CDK18: variants seen among roughly 807,000 people sequenced by gnomAD.
The protein encoded by CDK18 is cyclin dependent kinase 18.
In CDK18, 52 loss-of-function variants were observed where a neutral mutation model predicts 62.0. That is an observed-to-expected ratio of 0.84 (90% CI 0.67 to 1.06). The LOEUF (loss-of-function observed/expected upper bound fraction) is 1.06. Ranked by LOEUF, CDK18 falls within the 50% of genes least tolerant of loss-of-function variation. The pLI, the probability that CDK18 is intolerant of heterozygous loss-of-function variation, is 0.00. For missense variants in CDK18, 604 were observed against 619.9 expected (o/e 0.97, Z 0.27); for synonymous variants, 237 against 247.0 (o/e 0.96, Z 0.38).
chr1:205,530,277 A>G lies in CDK18; in HGVS notation c.1240A>G (p.Met414Val), dbSNP rs769661788. The change falls in exon 14 of 16, where the codon ATG (methionine) becomes GTG (valine). Residue 414 changes from methionine to valine, a missense_variant. Coordinates refer to ENST00000429964, the MANE Select transcript of CDK18 (RefSeq NM_212502.3). ...SLLLYESKSR[M>V]SAEAALSHSY... is the part of the protein sequence containing the mutation. ...CTTTCAGTATGAATCCAAGAGTCGC[A>G]TGTCAGCAGAGGCTGCCCTGAGTCA... 3 of 1,612,936 alleles carry G rather than the reference A, an allele frequency of 1.9e-6. No homozygotes were observed. Among genetic ancestry groups the G allele is most frequent in the Non-Finnish European group, 1.7e-6 (2 of 1,180,034 alleles).
At position 205,516,549 on chromosome 1, in the gene CDK18, C is replaced by T. The variant is rs1437429008; in HGVS notation, c.-21-6598C>T. 6.6e-6 allele frequency among the ~76,000 whole-genome samples: 1 copy of T among 152,170 alleles called. No homozygotes were observed. Among genetic ancestry groups the T allele is most frequent in the East Asian group, 1.9e-4 (1 of 5,182 alleles). On this transcript the variant is annotated intron_variant, in intron 1 of 15. Coordinates refer to ENST00000429964, the MANE Select transcript of CDK18 (RefSeq NM_212502.3). The surrounding 1 kb of genome is among the most constrained non-coding windows in gnomAD (Gnocchi z 4.8). Reference sequence around the variant, plus strand: ...ACATGTGCCTGGAACACAGCAGGTGCTCCACATGTGCCTGTAAAGCAGACA... The same window carrying T: ...ACATGTGCCTGGAACACAGCAGGTGTTCCACATGTGCCTGTAAAGCAGACA...
At position 205,521,190 on chromosome 1, in the gene CDK18, C is replaced by T. The variant is rs189941384; in HGVS notation, c.-21-1957C>T. Among the ~76,000 whole-genome samples, 4 of 152,316 alleles carry T rather than the reference C, an allele frequency of 2.6e-5. No homozygotes were observed. The South Asian group carries it at 6.2e-4, about 24-fold the overall frequency. The stretch of plus-strand genomic sequence containing the variant: ...ACCCTCATGCCTGGCACAATGCTGG[C>T]GCATAGTAGGTGCTCAGTTTTTTGG... On this transcript the variant is annotated intron_variant, in intron 1 of 15. Coordinates refer to ENST00000429964, the MANE Select transcript of CDK18 (RefSeq NM_212502.3).
chr1:205,524,497 A>G (rs1040842014), intron 4 of CDK18, 140 bp downstream of exon 4: 2 of 896,006 alleles, frequency 2.2e-6, no homozygotes, highest in Non-Finnish European at 3.4e-6. Flanking sequence ...GCTTGAGTGC[A>G]TTCAACTAGC....
At chr1:205,509,843 G>C (rs1224831491) in intron 1 of CDK18, among the ~76,000 whole-genome samples, 1 of 152,166 alleles carries the variant, frequency 6.6e-6, no homozygotes, top group African/African-American at 2.4e-5. Flanking sequence ...ACTTTGGGAG[G>C]CCGAGGTAGG....
rs538995199 is a variant in CDK18, at chr1:205,523,535, C to T, written c.183C>T (p.Phe61=). ...ACCCCCCGCAGGAGTGCAGCACCTTCTCCCCAACAGACAGCGGGGAGGAGC... is the reference window on the plus strand; with the variant it reads ...ACCCCCCGCAGGAGTGCAGCACCTTTTCCCCAACAGACAGCGGGGAGGAGC... ...GRDPPQECST[F]SPTDSGEEPG... The change falls in exon 3 of 16, where the codon TTC becomes TTT. Residue 61 remains phenylalanine (F), a synonymous_variant. Coordinates refer to ENST00000429964, the MANE Select transcript of CDK18 (RefSeq NM_212502.3). 4.7e-5 allele frequency: 76 copies of T among 1,607,008 alleles called. No individual in the cohort carries two copies. In the African/African-American group the frequency reaches 8.3e-4, roughly 17 times the overall value.
At chr1:205,529,662 C>T in intron 13 of CDK18, 99 bp downstream of exon 13, 1 of 1,592,018 alleles carries the variant, frequency 6.3e-7, no homozygotes. Flanking sequence ...GGCTCGTGTG[C>T]TTACACGTCT....
At chr1:205,525,461 T>C (rs1575071488) in intron 5 of CDK18, among the ~76,000 whole-genome samples, 2 of 152,300 alleles carry the variant, frequency 1.3e-5, no homozygotes, top group Non-Finnish European at 2.9e-5. Flanking sequence ...CTGCAAGTCC[T>C]TCTTGCCTGG....
Position 205,527,795 on chromosome 1 carries a change from T to C in CDK18, c.731T>C (p.Ile244Thr). 1 of 1,613,716 alleles carries C rather than the reference T, an allele frequency of 6.2e-7. No individual in the cohort carries two copies. Among genetic ancestry groups the C allele is most frequent in the Non-Finnish European group, 8.5e-7 (1 of 1,179,752 alleles). Reference protein sequence around the residue: ...GNLMSMHNVKIFMFQLLRGLA... With the variant: ...GNLMSMHNVKTFMFQLLRGLA... ...ACATTTCTCTTCCCCCTCCCCCAGA[T>C]TTTCATGTTCCAGCTGCTCCGGGGC... The change falls in exon 9 of 16, where the codon ATT becomes ACT. Residue 244 changes from isoleucine (I) to threonine (T), a missense_variant and splice_region_variant. Physicochemically the swap from Ile to Thr is moderately conservative, Grantham distance 89 (BLOSUM62 -1). Transcript: ENST00000429964. This position sits in a 1 kb window ranked among gnomAD's most constrained non-coding sequence, Gnocchi z 4.1.
Position 205,527,659 on chromosome 1 carries a change from G to A in CDK18, c.730-135G>A, listed in dbSNP as rs564766345. On this transcript the variant is annotated intron_variant, in intron 8 of 15. Coordinates refer to ENST00000429964, the MANE Select transcript of CDK18 (RefSeq NM_212502.3). The surrounding 1 kb of genome is among the most constrained non-coding windows in gnomAD (Gnocchi z 4.1). ...TGGTGTGGGTGGGGTCCAGGATGGG[G>A]GCTGCAGGGTGTGCAGGAGAATGAG... The A allele has an allele frequency of 4.9e-6, 4 of 820,296 alleles. No homozygotes were observed. The East Asian group carries it at 1.0e-4, about 21-fold the overall frequency. 50.8% of individuals were successfully genotyped at this position (820,296 alleles called of 1,614,324 possible).
At chr1:205,505,782 G>T (rs1274316867) in intron 1 of CDK18, among the ~76,000 whole-genome samples, 2 of 152,052 alleles carry the variant, frequency 1.3e-5, no homozygotes, top group Non-Finnish European at 2.9e-5. Context: ...CACCAGCCCT[G>T]CCTCTCTTCA....
In CDK18 at chr1:205,528,202, G is replaced by T; in HGVS notation, c.974+34G>T. 1 of 1,610,564 alleles carries T rather than the reference G, an allele frequency of 6.2e-7. No individual in the cohort carries two copies. The highest frequency in any genetic ancestry group is 8.5e-7 in the Non-Finnish European group (1 of 1,178,638). Reference sequence around the variant, plus strand: ...GCACTGTGGGGACCGAGGAGGGGAGGACAGGCCTGGCCACACCTCCAGACT... The same window carrying T: ...GCACTGTGGGGACCGAGGAGGGGAGTACAGGCCTGGCCACACCTCCAGACT... On this transcript the variant is annotated intron_variant, in intron 10 of 15. Coordinates refer to ENST00000429964, the MANE Select transcript of CDK18 (RefSeq NM_212502.3). This position sits in a 1 kb window ranked among gnomAD's most constrained non-coding sequence, Gnocchi z 4.2.
At chr1:205,513,848 CA>C (rs549831574) in intron 1 of CDK18, among the ~76,000 whole-genome samples, 355 of 152,326 alleles carry the variant, frequency 2.3e-3, no homozygotes, top group African/African-American at 8.2e-3. Context: ...GCCTCCAGCC[CA>C]AAAACCTCCA....
intron 4 of CDK18, 44 bp from the exon 5 acceptor site, chr1:205,525,094 GC>G: frequency 6.9e-7 from 1 of 1,441,802 alleles, no homozygotes; most frequent in South Asian, 1.2e-5. Context: ...CTGTGGAGCT[GC>G]TAAGGGCTTC....
In CDK18 at chr1:205,528,251, C is replaced by G; in HGVS notation, c.974+83C>G. 2 of 1,498,288 alleles carry G rather than the reference C, an allele frequency of 1.3e-6. No homozygotes were observed. Among genetic ancestry groups the G allele is most frequent in the Non-Finnish European group, 1.8e-6 (2 of 1,097,288 alleles). 92.8% of individuals were successfully genotyped at this position (1,498,288 alleles called of 1,614,324 possible). On this transcript the variant is annotated intron_variant, in intron 10 of 15. Transcript: ENST00000429964. The surrounding 1 kb of genome is among the most constrained non-coding windows in gnomAD (Gnocchi z 4.2). ...CTCTCCTTTGCTTCCCCAAGGGCCT[C>G]GGGGAAGAACTGCCTAACTTCCTTT...
chr1:205,523,304 G>T lies in CDK18; in HGVS notation c.130+7G>T. ...CACAACCGGCGGAATGAGAGTGAGG[G>T]GTCTGGGCCCACCCAGCACCTCTCC... On this transcript the variant is annotated splice_region_variant and intron_variant, in intron 2 of 15. Transcript: ENST00000429964. 1 of 1,613,950 alleles carries T rather than the reference G, an allele frequency of 6.2e-7. No individual in the cohort carries two copies.
At chr1:205,530,456 A>T in intron 14 of CDK18, 107 bp downstream of exon 14, 1 of 1,294,532 alleles carries the variant, frequency 7.7e-7, no homozygotes, top group Non-Finnish European at 1.1e-6. Context: ...CAGCCCCAGC[A>T]GAGCAGCCCC....
chr1:205,517,221 C>T lies in CDK18; in HGVS notation c.-21-5926C>T, dbSNP rs957394531. On this transcript the variant is annotated intron_variant, in intron 1 of 15. Transcript: ENST00000429964. The surrounding 1 kb of genome is among the most constrained non-coding windows in gnomAD (Gnocchi z 4.1). ...CCTGCCTTGCACGGGCCCCACCCTG[C>T]GTGGCCCTGCAGTTGTCTAAGTAGG... is the stretch of plus-strand genomic sequence containing the variant. 2.0e-5 allele frequency among the ~76,000 whole-genome samples: 3 copies of T among 152,174 alleles called. No homozygotes were observed. The highest frequency in any genetic ancestry group is 4.4e-5 in the Non-Finnish European group (3 of 68,000).
chr1:205,520,065 G>A (rs1261996088), intron 1 of CDK18, among the ~76,000 whole-genome samples: 2 of 152,026 alleles, frequency 1.3e-5, no homozygotes, highest in African/African-American at 4.8e-5. Context: ...CAAAGCACGG[G>A]GACATTGGGG....
chr1:205,506,163 G>T (rs1667296660), intron 1 of CDK18, among the ~76,000 whole-genome samples: 1 of 152,188 alleles, frequency 6.6e-6, no homozygotes, highest in Non-Finnish European at 1.5e-5. Context: ...CGGTGCTGAG[G>T]GTGCTGAGGG....
Sources: gnomAD v4.1 joint callset for allele counts (sites outside exome capture counted in the v4.1 genomes callset) on GRCh38, gnomAD v4.1.1 for gene constraint, Gnocchi (gnomAD v3.1) non-coding constraint, MANE v1.5 for transcripts, NCBI Gene and HGNC (gene_info 2026-07-23, HGNC 2026-07-21) for gene names.